ZNF331: variants seen among roughly 807,000 people sequenced by gnomAD.
ZNF331 encodes the protein C2H2-like zinc finger protein rearranged in thyroid adenomas.
ZNF331 carries 2 observed loss-of-function variants against 7.0 expected under a neutral mutation model. The observed-to-expected ratio is 0.29, with a 90% CI of 0.12 to 0.90. ZNF331 has a LOEUF of 0.90. ZNF331 is among the 40% of genes least tolerant of loss of function. ZNF331 has a pLI of 0.58. For missense variants in ZNF331, 432 were observed against 587.7 expected (o/e 0.74, Z 2.74); for synonymous variants, 196 against 205.4 (o/e 0.95, Z 0.39).
At chr19:53,568,448 TTGAC>T (rs954761607) in intron 3 of ZNF331, among the ~76,000 whole-genome samples, 1 of 152,144 alleles carries the variant, frequency 6.6e-6, no homozygotes, top group African/African-American at 2.4e-5. Flanking sequence ...GTAGACATGA[TTGAC>T]TGGTTGGTGG....
intron 3 of ZNF331, among the ~76,000 whole-genome samples, chr19:53,566,849 ATC>A (rs796681298): frequency 3.3e-5 from 5 of 151,616 alleles, no homozygotes; most frequent in African/African-American, 1.2e-4. Flanking sequence ...CTGTTTTTAT[ATC>A]TCTATTTTAT....
chr19:53,554,106 CCT>C (rs1434801414), intron 2 of ZNF331, among the ~76,000 whole-genome samples: 2 of 152,196 alleles, frequency 1.3e-5, no homozygotes, highest in African/African-American at 2.4e-5. Flanking sequence ...TCCCGAAGCC[CCT>C]GTGTGTTTGG....
At chr19:53,563,931 G>T (rs1311655745) in intron 3 of ZNF331, 1 of 151,192 alleles carries the variant, frequency 6.6e-6, no homozygotes, top group African/African-American at 2.4e-5. Flanking sequence ...TACTCAGGAG[G>T]CTGAGGCAGG....
chr19:53,575,277 G>A lies in ZNF331; in HGVS notation c.137-1420G>A, dbSNP rs10406025. 2.9e-3 allele frequency among the ~76,000 whole-genome samples: 438 copies of A among 151,954 alleles called. 4 individuals carry two copies. The highest frequency in any genetic ancestry group is 9.9e-3 in the African/African-American group (409 of 41,472). On this transcript the variant is annotated intron_variant, in intron 5 of 5. Transcript: ENST00000449416. ...TATAATAAAGGTCTGGTTTCCTAGC[G>A]TGTTCCAGAGCTGGCCATTTAACAT...
rs1568562536 is a variant in ZNF331, at chr19:53,579,590, T to C, written c.*1638T>C. On this transcript the variant is annotated 3_prime_UTR_variant, in exon 6 of 6. Coordinates refer to ENST00000449416, the MANE Select transcript of ZNF331 (RefSeq NM_001079906.2). ...TTTTTATGATCATTACTACCATTTG[T>C]GTTGCCATTAGTGAATTTTTACAAG... is the stretch of plus-strand genomic sequence containing the variant. 5.0e-6 allele frequency: 1 copy of C among 200,836 alleles called. No individual in the cohort carries two copies. The highest frequency in any genetic ancestry group is 2.3e-5 in the African/African-American group (1 of 43,662). 12.4% of individuals were successfully genotyped at this position (200,836 alleles called of 1,614,324 possible). A position where few individuals can be genotyped will look rare whatever the true frequency, so the allele number is the denominator to read the frequency against.
intron 2 of ZNF331, among the ~76,000 whole-genome samples, chr19:53,549,618 T>C (rs1184446314): frequency 6.6e-6 from 1 of 151,708 alleles, no homozygotes; most frequent in African/African-American, 2.4e-5. Flanking sequence ...CTGAGAAACA[T>C]CTTGTGCAAT....
chr19:53,579,308 G>A lies in ZNF331; in HGVS notation c.*1356G>A. 1 of 222,280 alleles carries A rather than the reference G, an allele frequency of 4.5e-6. No individual in the cohort carries two copies. The highest frequency in any genetic ancestry group is 9.0e-6 in the Non-Finnish European group (1 of 111,148). The allele number at this position is 222,280 out of a possible 1,614,324, so 13.8% of individuals were successfully genotyped here. On this transcript the variant is annotated 3_prime_UTR_variant, in exon 6 of 6. Transcript: ENST00000449416. ...ATAACCCTGCTAATGTAACACGTGAGAAAGCCTTTGGTCATGCCACCCACT... is the reference window on the plus strand; with the variant it reads ...ATAACCCTGCTAATGTAACACGTGAAAAAGCCTTTGGTCATGCCACCCACT...
chr19:53,538,143 A>G (rs941327848), upstream of ZNF331: 1 of 152,168 alleles, frequency 6.6e-6, no homozygotes, highest in Middle Eastern at 3.4e-3. Context: ...CGAGTGTGTG[A>G]CGCACTTGCG....
rs527886730 is a variant in ZNF331, at chr19:53,540,510, G to A, written c.-138+1228G>A. ...CGCAGTGGCACAATCTTGGCTCACT[G>A]CAACCTCCACCTCCCAGATTCAAGT... On this transcript the variant is annotated intron_variant, in intron 2 of 5. Coordinates refer to ENST00000449416, the MANE Select transcript of ZNF331 (RefSeq NM_001079906.2). Among the ~76,000 whole-genome samples, 5 of 151,916 alleles carry A rather than the reference G, an allele frequency of 3.3e-5. No homozygotes were observed. The East Asian group carries it at 9.7e-4, about 29-fold the overall frequency.
At chr19:53,574,732 A>G (rs1348345670) in intron 5 of ZNF331, among the ~76,000 whole-genome samples, 1 of 152,236 alleles carries the variant, frequency 6.6e-6, no homozygotes, top group East Asian at 1.9e-4. Context: ...ATTGGCAGTC[A>G]TTGGCACTGC....
upstream of ZNF331, among the ~76,000 whole-genome samples, chr19:53,515,527 C>A (rs555539264): frequency 9.9e-5 from 15 of 152,274 alleles, no homozygotes; most frequent in East Asian, 2.7e-3. Flanking sequence ...GACGGAGTTT[C>A]GTTCTTGTTG....
At chr19:53,534,884 A>G (rs926935938), upstream of ZNF331, among the ~76,000 whole-genome samples, 13 of 152,226 alleles carry the variant, frequency 8.5e-5, no homozygotes, top group Non-Finnish European at 1.3e-4. Flanking sequence ...AGGCCTGTCC[A>G]TCAAACTTTC....
chr19:53,552,855 A>G (rs1212536176), intron 2 of ZNF331, among the ~76,000 whole-genome samples: 2 of 152,212 alleles, frequency 1.3e-5, no homozygotes, highest in Non-Finnish European at 1.5e-5. Flanking sequence ...CGTATGTATT[A>G]GATATTCTGA....
chr19:53,523,222 A>G (rs979210974), intron 2 of ZNF331: 1 of 149,222 alleles, frequency 6.7e-6, no homozygotes, highest in Non-Finnish European at 1.5e-5. Context: ...AATATACTAT[A>G]TTTTTTTTTT....
At position 53,559,129 on chromosome 19, in the gene ZNF331, A is replaced by G. The variant is rs545379915; in HGVS notation, c.-74+3221A>G. Among the ~76,000 whole-genome samples, 196 of 143,808 alleles carry G rather than the reference A, an allele frequency of 1.4e-3. 2 individuals carry two copies. The highest frequency in any genetic ancestry group is 3.7e-3 in the African/African-American group (151 of 40,522). 94.3% of individuals were successfully genotyped at this position (143,808 alleles called of 152,430 possible). A position where few individuals can be genotyped will look rare whatever the true frequency, so the allele number is the denominator to read the frequency against. ...ATATATACACACCATACATACACAC[A>G]CACCCCATGTACACACACATATACA... On this transcript the variant is annotated intron_variant, in intron 3 of 5. Coordinates refer to ENST00000449416, the MANE Select transcript of ZNF331 (RefSeq NM_001079906.2).
intron 2 of ZNF331, among the ~76,000 whole-genome samples, chr19:53,532,938 A>G (rs1259680706): frequency 6.6e-6 from 1 of 152,062 alleles, no homozygotes; most frequent in South Asian, 2.1e-4. Context: ...TGGTTTTTCA[A>G]TGTTGTTTAT....
upstream of ZNF331, among the ~76,000 whole-genome samples, chr19:53,519,088 AG>A (rs1451944014): frequency 1.3e-5 from 2 of 152,198 alleles, no homozygotes; most frequent in African/African-American, 2.4e-5. Flanking sequence ...ACTTATGTCA[AG>A]GGTACTCTAT....
At position 53,560,171 on chromosome 19, in the gene ZNF331, TAC is replaced by T. The variant is rs957672783; in HGVS notation, c.-74+4270_-74+4271del. On this transcript the variant is annotated intron_variant, in intron 3 of 5. Coordinates refer to ENST00000449416, the MANE Select transcript of ZNF331 (RefSeq NM_001079906.2). This position sits in a 1 kb window ranked among gnomAD's most constrained non-coding sequence, Gnocchi z 4.3. ...CATATATACACATCCACACCATATA[TAC>T]ACACACCATACACACACATATATAC... 4.7e-5 allele frequency among the ~76,000 whole-genome samples: 7 copies of T among 150,004 alleles called. No individual in the cohort carries two copies.
In ZNF331 at chr19:53,577,795, G is replaced by A; in HGVS notation, c.1235G>A (p.Gly412Glu). 6.2e-7 allele frequency: 1 copy of A among 1,613,736 alleles called. No individual in the cohort carries two copies. Among genetic ancestry groups the A allele is most frequent in the African/African-American group, 1.3e-5 (1 of 74,916 alleles). The change falls in exon 6 of 6, where the codon GGG (glycine) becomes GAG (glutamate). Residue 412 changes from glycine (G) to glutamate (E), a missense_variant. By Grantham distance (98) the Gly-to-Glu change is moderately conservative. Transcript: ENST00000449416. ...ERIHTGVKPY[G>E]CTECGKSFSH... ...ATTCATACCGGGGTGAAACCCTATGGGTGTACAGAATGTGGGAAGAGCTTT... is the reference window on the plus strand; with the variant it reads ...ATTCATACCGGGGTGAAACCCTATGAGTGTACAGAATGTGGGAAGAGCTTT...
Sources: allele counts gnomAD v4.1 joint callset (sites outside exome capture counted in the v4.1 genomes callset), GRCh38; gene constraint gnomAD v4.1.1; non-coding constraint Gnocchi (gnomAD v3.1); transcripts MANE v1.5; gene names NCBI Gene and HGNC (gene_info 2026-07-23, HGNC 2026-07-21).